RORA: variants seen among roughly 807,000 people sequenced by gnomAD.
RORA encodes RAR related orphan receptor A.
A neutral mutation model predicts 69.5 loss-of-function variants in RORA; 7 were observed. The observed-to-expected ratio is 0.10, with a 90% CI of 0.06 to 0.19. RORA has a LOEUF of 0.19. Ranked by LOEUF, RORA falls within the 10% of genes least tolerant of loss-of-function variation. The probability of loss-of-function intolerance (pLI) is 1.00; values close to 1 mark genes in which losing one functional copy is unlikely to be tolerated. For missense variants in RORA, 457 were observed against 663.0 expected (o/e 0.69, Z 3.41); for synonymous variants, 261 against 240.8 (o/e 1.08, Z -0.78).
intron 1 of RORA, among the ~76,000 whole-genome samples, chr15:60,740,639 CT>C (rs2071563297): frequency 6.6e-6 from 1 of 152,132 alleles, no homozygotes; most frequent in South Asian, 2.1e-4. Flanking sequence ...CCCAGGAAGA[CT>C]TTTTCTCTCA....
chr15:60,957,374 C>T lies in RORA; in HGVS notation c.166+271679G>A, dbSNP rs532003953. 8.5e-5 allele frequency among the ~76,000 whole-genome samples: 13 copies of T among 152,290 alleles called. No homozygotes were observed. The South Asian group carries it at 1.0e-3, about 12-fold the overall frequency. ...AAAGGCAGGTGAGGACTCCATTGTG[C>T]CTGTCATCCTTCAGCATGGAAGAAC... On this transcript the variant is annotated intron_variant, in intron 1 of 10. Transcript: ENST00000335670.
At chr15:60,716,946 T>A (rs2071228914) in intron 1 of RORA, among the ~76,000 whole-genome samples, 1 of 152,204 alleles carries the variant, frequency 6.6e-6, no homozygotes, top group Admixed American at 6.5e-5. Flanking sequence ...CATGTTTTCC[T>A]GAGTTCTTTA....
chr15:60,922,057 T>A (rs959993880), intron 1 of RORA, among the ~76,000 whole-genome samples: 1 of 152,162 alleles, frequency 6.6e-6, no homozygotes, highest in Non-Finnish European at 1.5e-5. Context: ...AAAAAATATA[T>A]GCACAGTCTA....
rs1486917504 is a variant in RORA, at chr15:60,496,019, T to G, written c.*1436A>C. On this transcript the variant is annotated 3_prime_UTR_variant, in exon 11 of 11. Coordinates refer to ENST00000335670, the MANE Select transcript of RORA (RefSeq NM_134261.3). The surrounding 1 kb of genome is among the most constrained non-coding windows in gnomAD (Gnocchi z 4.5). Reference sequence around the variant, plus strand: ...TAAATGTTTGCAGCTAGCATCAACTTCACTTTAAAGGCTTAAAGTATTTAA... The same window carrying G: ...TAAATGTTTGCAGCTAGCATCAACTGCACTTTAAAGGCTTAAAGTATTTAA... 6.6e-6 allele frequency: 1 copy of G among 152,204 alleles called. No homozygotes were observed. The highest frequency in any genetic ancestry group is 1.5e-5 in the Non-Finnish European group (1 of 68,042). 9.4% of individuals were successfully genotyped at this position (152,204 alleles called of 1,614,324 possible). A position where few individuals can be genotyped will look rare whatever the true frequency, so the allele number is the denominator to read the frequency against.
intron 1 of RORA, among the ~76,000 whole-genome samples, chr15:61,110,393 C>CAAA (rs11343941): frequency 8.8e-6 from 1 of 113,726 alleles, no homozygotes; most frequent in African/African-American, 3.4e-5. Context: ...GACTCAGTCT[C>CAAA]AAAAAAAAAA....
intron 3 of RORA, among the ~76,000 whole-genome samples, chr15:60,519,459 C>G (rs913494482): frequency 3.9e-5 from 6 of 152,192 alleles, no homozygotes; most frequent in Admixed American, 1.3e-4. Flanking sequence ...TAGTTTAACT[C>G]CAGAACTTAC....
intron 1 of RORA, among the ~76,000 whole-genome samples, chr15:60,712,525 T>G (rs1300995867): frequency 1.3e-5 from 2 of 152,176 alleles, no homozygotes; most frequent in African/African-American, 4.8e-5. Context: ...TATTTTGGCT[T>G]ATCCTTTTGA....
chr15:60,854,288 T>C (rs1177771571), intron 1 of RORA, among the ~76,000 whole-genome samples: 1 of 151,860 alleles, frequency 6.6e-6, no homozygotes, highest in Non-Finnish European at 1.5e-5. Flanking sequence ...TAAAAATAAA[T>C]GATCAGGTAC....
intron 10 of RORA, among the ~76,000 whole-genome samples, chr15:60,498,065 A>T (rs183082678): frequency 1.9e-3 from 295 of 152,302 alleles, no homozygotes; most frequent in Non-Finnish European, 3.2e-3. Context: ...TCTCTTAAAA[A>T]AAATAAATAA....
chr15:60,951,668 G>A (rs1240427677), intron 1 of RORA, among the ~76,000 whole-genome samples: 7 of 151,918 alleles, frequency 4.6e-5, no homozygotes, highest in African/African-American at 1.2e-4. Context: ...ACACCTCTAC[G>A]CAAATAAACT....
At chr15:60,945,704 C>T (rs1479728355) in intron 1 of RORA, among the ~76,000 whole-genome samples, 1 of 152,214 alleles carries the variant, frequency 6.6e-6, no homozygotes, top group Non-Finnish European at 1.5e-5. Context: ...ACTCAAGGGG[C>T]ACTTTTTTGG....
At chr15:61,192,800 G>C (rs1529991) in intron 1 of RORA, among the ~76,000 whole-genome samples, 1 of 152,122 alleles carries the variant, frequency 6.6e-6, no homozygotes, top group Non-Finnish European at 1.5e-5. Flanking sequence ...GGTTGTCAGA[G>C]AGTTCCAGTG....
At chr15:60,943,560 C>T (rs1595834042) in intron 1 of RORA, among the ~76,000 whole-genome samples, 1 of 146,188 alleles carries the variant, frequency 6.8e-6, no homozygotes, top group African/African-American at 2.6e-5. Flanking sequence ...AATGTGGACC[C>T]GCATTCAGTT....
At chr15:60,863,280 C>T (rs1431979719) in intron 1 of RORA, among the ~76,000 whole-genome samples, 1 of 152,156 alleles carries the variant, frequency 6.6e-6, no homozygotes, top group Non-Finnish European at 1.5e-5. Context: ...AATGCCTGTA[C>T]ATGTCATAAT....
At chr15:60,853,749 T>C (rs2140417013) in intron 1 of RORA, among the ~76,000 whole-genome samples, 1 of 152,330 alleles carries the variant, frequency 6.6e-6, no homozygotes, top group Non-Finnish European at 1.5e-5. Context: ...AATTTAAATA[T>C]AGGAAGAACT....
chr15:60,556,094 T>C (rs570099375), intron 2 of RORA, among the ~76,000 whole-genome samples: 6 of 152,098 alleles, frequency 3.9e-5, no homozygotes, highest in Admixed American at 1.3e-4. Flanking sequence ...GTCCCTCTAC[T>C]TTCCAATGAA....
chr15:60,572,392 G>A (rs374629259), intron 2 of RORA, among the ~76,000 whole-genome samples: 1 of 152,164 alleles, frequency 6.6e-6, no homozygotes, highest in Non-Finnish European at 1.5e-5. Flanking sequence ...CTAAACACTT[G>A]AATGCTCTGG....
chr15:60,983,654 G>A (rs1368103853), intron 1 of RORA, among the ~76,000 whole-genome samples: 1 of 152,152 alleles, frequency 6.6e-6, no homozygotes, highest in African/African-American at 2.4e-5. Context: ...CAGGTCTTTA[G>A]ATAAGAACTC....
intron 2 of RORA, among the ~76,000 whole-genome samples, chr15:60,548,367 G>T (rs537440122): frequency 6.6e-5 from 10 of 151,976 alleles, no homozygotes; most frequent in Non-Finnish European, 1.5e-4. Flanking sequence ...TCATTTCCCC[G>T]CCGAGACCAT....
Sources: gnomAD v4.1 joint callset for allele counts (sites outside exome capture counted in the v4.1 genomes callset) on GRCh38, gnomAD v4.1.1 for gene constraint, Gnocchi (gnomAD v3.1) non-coding constraint, MANE v1.5 for transcripts, NCBI Gene and HGNC (gene_info 2026-07-23, HGNC 2026-07-21) for gene names.